DMD: variants seen among roughly 807,000 people sequenced by gnomAD.
DMD encodes the protein mutant dystrophin.
In DMD, 63 loss-of-function variants were observed where a neutral mutation model predicts 330.1. The observed-to-expected ratio is 0.19, with a 90% CI of 0.16 to 0.24. The LOEUF (loss-of-function observed/expected upper bound fraction) is 0.24. Ranked by LOEUF, DMD falls within the 10% of genes least tolerant of loss-of-function variation. The pLI is 1.00. For missense variants in DMD, 3,344 were observed against 2,684.1 expected (o/e 1.25, Z -5.43); for synonymous variants, 1,223 against 959.8 (o/e 1.27, Z -5.07).
At chrX:32,690,729 T>C (rs1461980664) in intron 9 of DMD, among the ~76,000 whole-genome samples, 1 of 111,581 alleles carries the variant, frequency 9.0e-6, no homozygotes, top group Non-Finnish European at 1.9e-5. Context: ...GAGCCAAGCA[T>C]ACACAAGGAG....
intron 18 of DMD, among the ~76,000 whole-genome samples, chrX:32,511,070 C>T (rs2045250191): frequency 9.1e-6 from 1 of 109,772 alleles, no homozygotes; most frequent in Non-Finnish European, 1.9e-5. Flanking sequence ...CATCTGAATA[C>T]TCTTCAACCA....
Position 31,552,538 on chromosome X carries a change from T to G in DMD, c.8218-45085A>C, listed in dbSNP as rs1325774368. Among the ~76,000 whole-genome samples, 3 of 110,668 alleles carry G rather than the reference T, an allele frequency of 2.7e-5. No homozygotes were observed. The East Asian group carries it at 8.6e-4, about 32-fold the overall frequency. ...AGCACGACCTTGGAGAAGGAGGAAATAGTCATTGTCCCCTTCTTTTATTAG... is the reference window on the plus strand; with the variant it reads ...AGCACGACCTTGGAGAAGGAGGAAAGAGTCATTGTCCCCTTCTTTTATTAG... On this transcript the variant is annotated intron_variant, in intron 55 of 78. Transcript: ENST00000357033.
chrX:31,771,960 G>T (rs180768840), intron 51 of DMD, among the ~76,000 whole-genome samples: 2 of 111,935 alleles, frequency 1.8e-5, no homozygotes, highest in African/African-American at 6.5e-5. Flanking sequence ...CCCGTCACAA[G>T]GAAGTGTGGA....
intron 1 of DMD, among the ~76,000 whole-genome samples, chrX:33,041,116 A>G (rs2094292145): frequency 8.8e-6 from 1 of 113,173 alleles, no homozygotes; most frequent in Non-Finnish European, 1.9e-5. Context: ...AAAAAATGTT[A>G]AATTACAAAG....
At chrX:31,280,391 C>A (rs767609636) in intron 62 of DMD, among the ~76,000 whole-genome samples, 5 of 111,120 alleles carry the variant, frequency 4.5e-5, no homozygotes, top group Non-Finnish European at 9.4e-5. Flanking sequence ...CTTGAAAATG[C>A]AAAGTAATAC....
chrX:32,156,592 G>GGT (rs775532181), intron 44 of DMD, among the ~76,000 whole-genome samples: 5 of 105,958 alleles, frequency 4.7e-5, no homozygotes, highest in Admixed American at 4.2e-4. Context: ...CAGCTGTACA[G>GGT]GTGTGTGTGT....
At chrX:31,278,453 G>A (rs1369736528) in intron 62 of DMD, among the ~76,000 whole-genome samples, 1 of 111,359 alleles carries the variant, frequency 9.0e-6, no homozygotes, top group East Asian at 2.8e-4. Context: ...AGATGCTGCA[G>A]GGGCTGAGAA....
chrX:31,236,726 G>A (rs1232736045), intron 63 of DMD, among the ~76,000 whole-genome samples: 1 of 111,559 alleles, frequency 9.0e-6, no homozygotes, highest in Non-Finnish European at 1.9e-5. Context: ...ACCTATAAAT[G>A]AACACATATA....
chrX:31,989,828 A>G (rs7888454), intron 44 of DMD, among the ~76,000 whole-genome samples: 3,153 of 110,949 alleles, frequency 0.028, 114 homozygotes, highest in African/African-American at 0.094. Flanking sequence ...TTTAATGTAG[A>G]CTCAGGGGTA....
At chrX:33,041,513 T>C (rs751450400) in intron 1 of DMD, 1 of 1,205,668 alleles carries the variant, frequency 8.3e-7, no homozygotes, top group East Asian at 3.0e-5. Flanking sequence ...ATTGAAAAAA[T>C]GAGAGCTGAA....
At chrX:31,508,240 T>C (rs1478789853) in intron 55 of DMD, 4 of 1,208,041 alleles carry the variant, frequency 3.3e-6, no homozygotes, top group Non-Finnish European at 4.5e-6. Flanking sequence ...TGTAACATTT[T>C]CAGCTTGAAC....
chrX:32,459,514 A>T (rs948682944), intron 25 of DMD, among the ~76,000 whole-genome samples: 2 of 111,111 alleles, frequency 1.8e-5, no homozygotes, highest in Non-Finnish European at 3.8e-5. Context: ...CCCAGTTTGA[A>T]AAGTGTACTT....
At chrX:32,773,728 T>C (rs2073872551) in intron 7 of DMD, among the ~76,000 whole-genome samples, 1 of 111,124 alleles carries the variant, frequency 9.0e-6, no homozygotes, top group Non-Finnish European at 1.9e-5. Flanking sequence ...TTTTCTATTA[T>C]TTTTCTTTCT....
chrX:31,247,527 G>A (rs944673496), intron 63 of DMD, among the ~76,000 whole-genome samples: 1 of 107,183 alleles, frequency 9.3e-6, no homozygotes, highest in Non-Finnish European at 1.9e-5. Context: ...TTGAACCCAG[G>A]AAGGCAGAGG....
intron 44 of DMD, among the ~76,000 whole-genome samples, chrX:32,179,588 C>T (rs780562626): frequency 4.5e-5 from 5 of 111,898 alleles, no homozygotes; most frequent in African/African-American, 6.5e-5. Context: ...GTAAAAAGGA[C>T]GCCCCCTCAG....
intron 44 of DMD, among the ~76,000 whole-genome samples, chrX:32,112,728 T>G (rs181928719): frequency 2.7e-5 from 3 of 111,691 alleles, no homozygotes; most frequent in Admixed American, 9.5e-5. Context: ...AAGATGAGAT[T>G]TGATTTTCTT....
intron 11 of DMD, among the ~76,000 whole-genome samples, chrX:32,638,195 T>C (rs1422072288): frequency 8.9e-6 from 1 of 112,115 alleles, no homozygotes; most frequent in East Asian, 2.8e-4. Flanking sequence ...TCATATATTG[T>C]CTGTTATATA....
At chrX:32,829,299 C>T (rs190666519) in intron 4 of DMD, among the ~76,000 whole-genome samples, 94 of 111,632 alleles carry the variant, frequency 8.4e-4, no homozygotes, top group Non-Finnish European at 1.5e-3. Flanking sequence ...CTTTAATAAC[C>T]TACTAAATGT....
intron 70 of DMD, chrX:31,178,292 A>T (rs1320413129): frequency 2.0e-6 from 2 of 995,732 alleles, no homozygotes; most frequent in African/African-American, 3.9e-5. Flanking sequence ...ATATGACCAC[A>T]CAATGAGATA....
Sources: allele counts gnomAD v4.1 joint callset (sites outside exome capture counted in the v4.1 genomes callset), GRCh38; gene constraint gnomAD v4.1.1; transcripts MANE v1.5; gene names NCBI Gene and HGNC (gene_info 2026-07-23, HGNC 2026-07-21).